MYLK4: variants seen among roughly 807,000 people sequenced by gnomAD.
MYLK4 encodes the protein myosin light chain kinase family member 4, also known as caMLCK like.
Under a neutral mutation model 48.1 loss-of-function variants are expected in MYLK4, and 46 were observed. That is an observed-to-expected ratio of 0.96 (90% CI 0.75 to 1.22). MYLK4 has a LOEUF of 1.22. Among genes scored for constraint, MYLK4 ranks in the 50% most tolerant of loss-of-function variants. MYLK4 has a pLI of 0.00. For missense variants in MYLK4, 451 were observed against 486.1 expected (o/e 0.93, Z 0.68); for synonymous variants, 170 against 180.8 (o/e 0.94, Z 0.48).
At chr6:2,680,855 C>A (rs906079529) in intron 7 of MYLK4, among the ~76,000 whole-genome samples, 2 of 152,116 alleles carry the variant, frequency 1.3e-5, no homozygotes, top group Non-Finnish European at 2.9e-5. Context: ...CTCAGCAGTT[C>A]CAAGGTTTTG....
chr6:2,712,122 C>T (rs769624955), intron 2 of MYLK4, among the ~76,000 whole-genome samples: 13 of 152,152 alleles, frequency 8.5e-5, no homozygotes, highest in African/African-American at 1.2e-4. Flanking sequence ...CACTAATGCT[C>T]ACTGTAATCT....
intron 2 of MYLK4, among the ~76,000 whole-genome samples, chr6:2,704,171 C>T (rs1006586402): frequency 5.9e-5 from 9 of 152,276 alleles, no homozygotes; most frequent in South Asian, 4.2e-4. Context: ...ATTAGAAGGT[C>T]GGGTTGGGGG....
intron 2 of MYLK4, among the ~76,000 whole-genome samples, chr6:2,707,415 T>C (rs1448844370): frequency 6.6e-6 from 1 of 152,208 alleles, no homozygotes; most frequent in Admixed American, 6.5e-5. Context: ...GATCTCATTA[T>C]TGGTGGCGCA....
At chr6:2,757,604 AT>A in the MYLK4 span, among the ~76,000 whole-genome samples, 2 of 136,080 alleles carry the variant, frequency 1.5e-5, no homozygotes, top group Non-Finnish European at 1.6e-5. Flanking sequence ...GGATACTTCC[AT>A]AAAAAAAAAA....
intron 2 of MYLK4, among the ~76,000 whole-genome samples, chr6:2,726,045 C>T (rs1192566036): frequency 6.6e-6 from 1 of 152,152 alleles, no homozygotes; most frequent in Non-Finnish European, 1.5e-5. Flanking sequence ...GAGGGGTTTT[C>T]CAAGGAGTAA....
the MYLK4 span, chr6:2,770,074 G>A: frequency 2.5e-6 from 4 of 1,610,578 alleles, no homozygotes; most frequent in African/African-American, 1.3e-5. Context: ...TTCTGCAGGT[G>A]GCTGTTGACT....
At chr6:2,765,553 G>A in the MYLK4 span, 43 of 1,370,508 alleles carry the variant, frequency 3.1e-5, no homozygotes, top group Non-Finnish European at 3.8e-5. Flanking sequence ...CTAGCGGAGG[G>A]CATCGAAGGC....
At chr6:2,763,170 C>T in the MYLK4 span, among the ~76,000 whole-genome samples, 3 of 152,196 alleles carry the variant, frequency 2.0e-5, no homozygotes, top group African/African-American at 7.2e-5. Context: ...TGTTTACAAA[C>T]CTTGAGCTAG....
intron 2 of MYLK4, among the ~76,000 whole-genome samples, chr6:2,733,300 A>G (rs1418962528): frequency 6.6e-6 from 1 of 152,242 alleles, no homozygotes; most frequent in African/African-American, 2.4e-5. Context: ...CAGTCATAGC[A>G]CAGCTGATGC....
Position 2,749,303 on chromosome 6 carries a change from T to G in MYLK4, c.-9A>C. The G allele has an allele frequency of 6.2e-7, 1 of 1,609,322 alleles. No homozygotes were observed. The highest frequency in any genetic ancestry group is 8.5e-7 in the Non-Finnish European group (1 of 1,177,600). On this transcript the variant is annotated 5_prime_UTR_variant, in exon 2 of 13. Coordinates refer to ENST00000274643, the MANE Select transcript of MYLK4 (RefSeq NM_001012418.5). ...CTCTTCACTTTTAACATCTTAGTAG[T>G]GAGTCCGATTAAGCTACTTTCTGGA... is the stretch of plus-strand genomic sequence containing the variant.
chr6:2,713,515 C>G (rs758861559), intron 2 of MYLK4, among the ~76,000 whole-genome samples: 2 of 152,228 alleles, frequency 1.3e-5, no homozygotes, highest in African/African-American at 4.8e-5. Context: ...AGAGAAGGTT[C>G]TGTGTGTGTC....
intron 7 of MYLK4, among the ~76,000 whole-genome samples, chr6:2,682,503 C>A (rs1345100383): frequency 6.6e-6 from 1 of 152,154 alleles, no homozygotes; most frequent in Non-Finnish European, 1.5e-5. Flanking sequence ...CACTTTGGCC[C>A]CATCCTTCCG....
the MYLK4 span, chr6:2,766,499 C>T: frequency 1.9e-4 from 278 of 1,448,528 alleles, 1 homozygote; most frequent in African/African-American, 1.8e-3. Flanking sequence ...GTGGATGCAG[C>T]TGATGGTCGG....
intron 2 of MYLK4, among the ~76,000 whole-genome samples, chr6:2,727,048 A>C (rs1763304355): frequency 6.6e-6 from 1 of 152,248 alleles, no homozygotes; most frequent in African/African-American, 2.4e-5. Context: ...TGAACGTGTC[A>C]GATTCTGCCA....
intron 2 of MYLK4, among the ~76,000 whole-genome samples, chr6:2,694,676 A>G (rs2113187339): frequency 9.3e-6 from 1 of 107,024 alleles, no homozygotes; most frequent in East Asian, 2.9e-4. Flanking sequence ...TAGTGGTGAC[A>G]GCTACCATGT....
chr6:2,681,436 G>A (rs1761297038), intron 7 of MYLK4, among the ~76,000 whole-genome samples: 3 of 152,134 alleles, frequency 2.0e-5, no homozygotes, highest in African/African-American at 7.2e-5. Flanking sequence ...TGAACCATTT[G>A]GTTTCATGCT....
chr6:2,710,160 C>G (rs993848036), intron 2 of MYLK4, among the ~76,000 whole-genome samples: 3 of 152,130 alleles, frequency 2.0e-5, no homozygotes, highest in African/African-American at 7.2e-5. Flanking sequence ...TGTAAGTTTT[C>G]TGACATTGAA....
At chr6:2,764,578 G>C in the MYLK4 span, among the ~76,000 whole-genome samples, 2 of 121,454 alleles carry the variant, frequency 1.6e-5, no homozygotes, top group Non-Finnish European at 3.6e-5. Context: ...AAAATAACAT[G>C]GTAATTCATT....
At chr6:2,737,674 G>T (rs1414141614) in intron 2 of MYLK4, among the ~76,000 whole-genome samples, 1 of 152,132 alleles carries the variant, frequency 6.6e-6, no homozygotes. Context: ...AAGATGCTAG[G>T]ATCCCAGGCC....
Sources: allele counts gnomAD v4.1 joint callset (sites outside exome capture counted in the v4.1 genomes callset), GRCh38; gene constraint gnomAD v4.1.1; transcripts MANE v1.5; gene names NCBI Gene and HGNC (gene_info 2026-07-23, HGNC 2026-07-21).